SETBP1: variants seen among roughly 807,000 people sequenced by gnomAD.
The protein encoded by SETBP1 is SET-binding protein.
A neutral mutation model predicts 101.0 loss-of-function variants in SETBP1; 9 were observed. That is an observed-to-expected ratio of 0.09 (90% CI 0.05 to 0.16). SETBP1 has a LOEUF of 0.16. Ranked by LOEUF, SETBP1 falls within the 10% of genes least tolerant of loss-of-function variation. The pLI is 1.00. For synonymous variants in SETBP1, 818 were observed against 788.5 expected (o/e 1.04, Z -0.63); for missense variants, 1,858 against 2,033.8 (o/e 0.91, Z 1.66).
At chr18:45,001,368 A>T (rs975305573) in intron 4 of SETBP1, among the ~76,000 whole-genome samples, 2 of 152,258 alleles carry the variant, frequency 1.3e-5, no homozygotes, top group African/African-American at 4.8e-5. Context: ...AAGTAAATGC[A>T]CAATAAATGT....
intron 5 of SETBP1, among the ~76,000 whole-genome samples, chr18:45,040,676 G>C (rs577657126): frequency 1.3e-5 from 2 of 152,354 alleles, no homozygotes; most frequent in African/African-American, 4.8e-5. Flanking sequence ...ATATGGGCCT[G>C]CCTCCTCTAG....
intron 4 of SETBP1, among the ~76,000 whole-genome samples, chr18:45,019,003 C>T (rs1180340313): frequency 6.6e-6 from 1 of 152,126 alleles, no homozygotes; most frequent in Non-Finnish European, 1.5e-5. Flanking sequence ...GATTTTCAAA[C>T]AAACACTGGA....
chr18:45,006,421 A>G (rs999302017), intron 4 of SETBP1, among the ~76,000 whole-genome samples: 1 of 152,182 alleles, frequency 6.6e-6, no homozygotes, highest in Non-Finnish European at 1.5e-5. Flanking sequence ...TGGGGGCTTA[A>G]ATAACTGAAA....
At chr18:45,053,067 A>G (rs1033848202) in intron 5 of SETBP1, among the ~76,000 whole-genome samples, 1 of 152,240 alleles carries the variant, frequency 6.6e-6, no homozygotes. Context: ...TTTATTTGAA[A>G]GTGTTTAAGG....
intron 3 of SETBP1, among the ~76,000 whole-genome samples, chr18:44,910,198 G>A (rs1371611214): frequency 2.0e-5 from 3 of 152,176 alleles, no homozygotes; most frequent in South Asian, 4.2e-4. Context: ...AAAACATGCC[G>A]ACTCCCTCCT....
chr18:44,966,569 G>A (rs2071725372), intron 4 of SETBP1, among the ~76,000 whole-genome samples: 1 of 152,166 alleles, frequency 6.6e-6, no homozygotes, highest in Admixed American at 6.6e-5. Flanking sequence ...TGAGTTGTAG[G>A]AGAATCGCAG....
chr18:44,870,062 G>A (rs1016295919), intron 3 of SETBP1: 1 of 153,188 alleles, frequency 6.5e-6, no homozygotes, highest in Non-Finnish European at 1.5e-5. Flanking sequence ...CTTGCAAAAT[G>A]AAACTTTCTG....
intron 4 of SETBP1, among the ~76,000 whole-genome samples, chr18:44,992,664 G>A (rs138532945): frequency 7.2e-5 from 11 of 152,062 alleles, no homozygotes; most frequent in African/African-American, 2.2e-4. Context: ...AGGAGAAATA[G>A]AAAACCCACA....
rs79157974 is a variant in SETBP1, at chr18:44,940,410, T to C, written c.541-9471T>C. 6.4e-3 allele frequency among the ~76,000 whole-genome samples: 969 copies of C among 152,330 alleles called. 14 individuals carry two copies. Among genetic ancestry groups the C allele is most frequent in the African/African-American group, 0.022 (915 of 41,592 alleles). On this transcript the variant is annotated intron_variant, in intron 3 of 5. Coordinates refer to ENST00000649279, the MANE Select transcript of SETBP1 (RefSeq NM_015559.3). ...GATACTGTTGGGTTTAAGTTTACTA[T>C]GTTGCTTGTATTTTCTGTTTTTCCC...
chr18:44,691,353 C>T (rs1256703396), intron 1 of SETBP1, among the ~76,000 whole-genome samples: 2 of 151,740 alleles, frequency 1.3e-5, no homozygotes, highest in Admixed American at 6.6e-5. Context: ...AATGTTTAAC[C>T]ACCCCCCGCC....
At chr18:44,695,880 A>G (rs73952914) in intron 1 of SETBP1, among the ~76,000 whole-genome samples, 3,135 of 147,444 alleles carry the variant, frequency 0.021, 97 homozygotes, top group African/African-American at 0.075. Flanking sequence ...TTTTCTGTTC[A>G]TTGATGAGAC....
intron 2 of SETBP1, among the ~76,000 whole-genome samples, chr18:44,703,157 G>A (rs1360623819): frequency 6.6e-6 from 1 of 152,088 alleles, no homozygotes; most frequent in East Asian, 1.9e-4. Context: ...GGCTCTAGAA[G>A]AAGCCCTTTT....
Position 44,688,341 on chromosome 18 carries a change from A to G in SETBP1, c.-173+7320A>G, listed in dbSNP as rs2068870675. ...TGGGGAAGCTGAATTTGATGGAACC[A>G]ACTTAGTAGCCCATCAGAAGCAGTG... On this transcript the variant is annotated intron_variant, in intron 1 of 5. Coordinates refer to ENST00000649279, the MANE Select transcript of SETBP1 (RefSeq NM_015559.3). 1.3e-5 allele frequency among the ~76,000 whole-genome samples: 2 copies of G among 152,190 alleles called. 1 individual carries two copies. Among genetic ancestry groups the G allele is most frequent in the South Asian group, 4.1e-4 (2 of 4,832 alleles).
intron 3 of SETBP1, among the ~76,000 whole-genome samples, chr18:44,939,192 T>C (rs2071030859): frequency 6.6e-6 from 1 of 152,026 alleles, no homozygotes; most frequent in Admixed American, 6.6e-5. Context: ...ACAAAGTACA[T>C]CCATAACTCA....
At chr18:44,706,365 C>T (rs1483995036) in intron 2 of SETBP1, among the ~76,000 whole-genome samples, 1 of 151,830 alleles carries the variant, frequency 6.6e-6, no homozygotes. Context: ...GTGGGTGGAT[C>T]ACTTGAGATC....
At chr18:45,043,674 G>C (rs1360589931) in intron 5 of SETBP1, among the ~76,000 whole-genome samples, 1 of 152,060 alleles carries the variant, frequency 6.6e-6, no homozygotes, top group African/African-American at 2.4e-5. Flanking sequence ...AAATTTTTAG[G>C]CATTTTGCTT....
At chr18:44,930,797 T>C (rs1416233971) in intron 3 of SETBP1, among the ~76,000 whole-genome samples, 1 of 152,188 alleles carries the variant, frequency 6.6e-6, no homozygotes, top group Admixed American at 6.5e-5. Context: ...CTTTATCATT[T>C]TTTATTGTGT....
chr18:44,712,252 T>C (rs1341833158), intron 2 of SETBP1, among the ~76,000 whole-genome samples: 1 of 152,056 alleles, frequency 6.6e-6, no homozygotes, highest in African/African-American at 2.4e-5. Context: ...GGATAGGAGG[T>C]TGGGGGTGGG....
intron 1 of SETBP1, among the ~76,000 whole-genome samples, chr18:44,684,976 G>A (rs1056127904): frequency 1.3e-5 from 2 of 152,170 alleles, no homozygotes; most frequent in African/African-American, 4.8e-5. Flanking sequence ...ATGGCCGTTA[G>A]CTTAGAAACC....
Sources: gnomAD v4.1 joint callset for allele counts (sites outside exome capture counted in the v4.1 genomes callset) on GRCh38, gnomAD v4.1.1 for gene constraint, MANE v1.5 for transcripts, NCBI Gene and HGNC (gene_info 2026-07-23, HGNC 2026-07-21) for gene names.